The following PRELID2 variants were observed in gnomAD, a reference collection of about 807,000 sequenced individuals.
The protein encoded by PRELID2 is PRELI domain-containing protein 2.
Under a neutral mutation model 28.4 loss-of-function variants are expected in PRELID2, and 25 were observed. The observed-to-expected ratio is 0.88, with a 90% CI of 0.64 to 1.23. The LOEUF is 1.23. Ranked by LOEUF, PRELID2 falls within the 50% of genes most tolerant of loss-of-function variation. The pLI is 0.00. For missense variants in PRELID2, 201 were observed against 214.4 expected, an observed-to-expected ratio of 0.94 and a Z score of 0.39; for synonymous variants, 76 against 71.6, an observed-to-expected ratio of 1.06 and a Z score of -0.31.
intron 1 of PRELID2, among the ~76,000 whole-genome samples, chr5:145,526,629 G>A (rs943880325): frequency 6.6e-6 from 1 of 152,102 alleles, no homozygotes; most frequent in Non-Finnish European, 1.5e-5. Context: ...TGGCTTCTCC[G>A]TGGGAAGTGT....
At chr5:145,702,252 T>C (rs978192785) in intron 1 of PRELID2, among the ~76,000 whole-genome samples, 3 of 152,138 alleles carry the variant, frequency 2.0e-5, no homozygotes, top group African/African-American at 7.2e-5. Flanking sequence ...GAGTATGGTG[T>C]TCAAGCACCA....
chr5:145,624,970 T>C (rs936253138), intron 1 of PRELID2, among the ~76,000 whole-genome samples: 1 of 152,142 alleles, frequency 6.6e-6, no homozygotes. Flanking sequence ...TGTCCCATAA[T>C]CATAAGACAA....
At chr5:145,621,272 A>C (rs894435851) in intron 1 of PRELID2, among the ~76,000 whole-genome samples, 3 of 152,170 alleles carry the variant, frequency 2.0e-5, no homozygotes, top group Non-Finnish European at 4.4e-5. Context: ...TAATAATAAC[A>C]ACAACAGCAA....
At chr5:145,740,885 C>CAT (rs1381906982) in intron 1 of PRELID2, among the ~76,000 whole-genome samples, 1 of 88,658 alleles carries the variant, frequency 1.1e-5, no homozygotes, top group African/African-American at 5.3e-5. Context: ...TATATATGTA[C>CAT]ATATATTTAT....
At chr5:145,627,298 G>A (rs1753862295) in intron 1 of PRELID2, among the ~76,000 whole-genome samples, 1 of 151,792 alleles carries the variant, frequency 6.6e-6, no homozygotes, top group African/African-American at 2.4e-5. Flanking sequence ...ACTTACAAAT[G>A]GGTGGTAAAC....
intron 1 of PRELID2, among the ~76,000 whole-genome samples, chr5:145,681,827 G>A (rs1041398699): frequency 1.3e-5 from 2 of 152,118 alleles, no homozygotes; most frequent in African/African-American, 4.8e-5. Context: ...TACACTAAGT[G>A]AACCATAAGT....
intron 1 of PRELID2, chr5:145,728,351 T>C: frequency 2.6e-6 from 1 of 389,310 alleles, no homozygotes; most frequent in Non-Finnish European, 4.9e-6. Context: ...TCTACTTACT[T>C]ATCTCTACAT....
the PRELID2 span, among the ~76,000 whole-genome samples, chr5:145,292,855 A>G: frequency 1.3e-5 from 2 of 152,074 alleles, no homozygotes; most frequent in Admixed American, 1.3e-4. Flanking sequence ...CTACAGGAGC[A>G]TGCCATCGCA....
At chr5:145,665,383 T>C (rs975811275) in intron 1 of PRELID2, among the ~76,000 whole-genome samples, 1 of 152,080 alleles carries the variant, frequency 6.6e-6, no homozygotes, top group African/African-American at 2.4e-5. Flanking sequence ...AGCAGTCTGC[T>C]TTAGATCCAG....
At chr5:145,637,020 T>C (rs888829258) in intron 1 of PRELID2, among the ~76,000 whole-genome samples, 3 of 152,086 alleles carry the variant, frequency 2.0e-5, no homozygotes, top group African/African-American at 7.2e-5. Context: ...AAGCAGAGAA[T>C]AGACATCCAT....
rs115867110 is a variant in PRELID2 at position 145,777,584 on chromosome 5, T to C, written c.475-12584A>G. On this transcript the variant is annotated intron_variant, in intron 5 of 6. Coordinates refer to ENST00000683046, the MANE Select transcript of PRELID2 (RefSeq NM_205846.3). ...TGCTCCAAATGGCCTGCCACTGCCA[T>C]CACTGCTGGCTGCAACAGGGAGGCA... Among the ~76,000 whole-genome samples, 1,183 of 152,268 alleles carry C rather than the reference T, an allele frequency of 7.8e-3. 20 individuals carry two copies. The highest frequency in any genetic ancestry group is 0.027 in the African/African-American group (1,110 of 41,564).
At chr5:145,506,891 C>A (rs891006413) in intron 1 of PRELID2, among the ~76,000 whole-genome samples, 8 of 152,188 alleles carry the variant, frequency 5.3e-5, no homozygotes, top group African/African-American at 1.9e-4. Context: ...GTGCTCAGGT[C>A]ACCCTCAATG....
intron 1 of PRELID2, among the ~76,000 whole-genome samples, chr5:145,561,063 A>G (rs190997615): frequency 1.4e-4 from 21 of 152,042 alleles, no homozygotes; most frequent in Admixed American, 3.3e-4. Flanking sequence ...TGGGTAAGCT[A>G]CAAAATGACT....
chr5:145,811,584 A>C (rs1242333757), intron 4 of PRELID2, among the ~76,000 whole-genome samples: 1 of 152,216 alleles, frequency 6.6e-6, no homozygotes, highest in East Asian at 1.9e-4. Context: ...TGCCTGGAGC[A>C]GAGGTAGGAT....
chr5:145,408,041 G>A, the PRELID2 span, among the ~76,000 whole-genome samples: 6 of 151,968 alleles, frequency 3.9e-5, no homozygotes, highest in Non-Finnish European at 7.4e-5. Flanking sequence ...AGACCCAGAA[G>A]GGCAACAACA....
intron 4 of PRELID2, among the ~76,000 whole-genome samples, chr5:145,808,299 G>T (rs1192818619): frequency 6.6e-6 from 1 of 151,942 alleles, no homozygotes; most frequent in Non-Finnish European, 1.5e-5. Flanking sequence ...AAATGCCAGT[G>T]CCAATCTTAA....
the PRELID2 span, among the ~76,000 whole-genome samples, chr5:145,349,415 A>G: frequency 2.6e-5 from 4 of 152,172 alleles, no homozygotes; most frequent in Admixed American, 1.3e-4. Flanking sequence ...TTCAAAGTCC[A>G]AATTCAACAA....
chr5:145,447,898 T>G, the PRELID2 span, among the ~76,000 whole-genome samples: 1 of 150,932 alleles, frequency 6.6e-6, no homozygotes, highest in Non-Finnish European at 1.5e-5. Context: ...TGGTTCCAAG[T>G]CTTTGCTATT....
intron 1 of PRELID2, among the ~76,000 whole-genome samples, chr5:145,655,648 G>A (rs906587647): frequency 1.3e-5 from 2 of 152,172 alleles, no homozygotes; most frequent in Non-Finnish European, 2.9e-5. Flanking sequence ...AAGAAATGGG[G>A]AAAGTATTCC....
Sources: gnomAD v4.1 joint callset for allele counts (sites outside exome capture counted in the v4.1 genomes callset) on GRCh38, gnomAD v4.1.1 for gene constraint, MANE v1.5 for transcripts, NCBI Gene and HGNC (gene_info 2026-07-23, HGNC 2026-07-21) for gene names.